The following IL1RL2 variants were observed in gnomAD, a reference collection of about 807,000 sequenced individuals.
IL1RL2 encodes interleukin-1 receptor-like 2.
In IL1RL2, 68 loss-of-function variants were observed where a neutral mutation model predicts 66.8. The ratio of observed to expected loss-of-function variants is 1.02; its 90% CI spans 0.84 to 1.25. The LOEUF (loss-of-function observed/expected upper bound fraction) is 1.25, where lower values mean the gene tolerates loss of function less well. IL1RL2 is among the 50% of genes most tolerant of loss of function. The pLI is 0.00. For missense variants in IL1RL2, 729 were observed against 709.3 expected (o/e 1.03, Z -0.32); for synonymous variants, 305 against 264.6 (o/e 1.15, Z -1.48).
chr2:102,202,149 T>A (rs1688314901), intron 5 of IL1RL2, among the ~76,000 whole-genome samples: 1 of 152,072 alleles, frequency 6.6e-6, no homozygotes, highest in African/African-American at 2.4e-5. Context: ...GTTCTGGATA[T>A]GGTCCTGGGA....
chr2:102,235,575 G>A, intron 11 of IL1RL2: 1 of 985,436 alleles, frequency 1.0e-6, no homozygotes, highest in Non-Finnish European at 1.2e-6. Flanking sequence ...TTGAGAACAG[G>A]ACATGGAGGG....
Position 102,225,945 on chromosome 2 carries a change from G to A in IL1RL2, c.1039G>A (p.Ala347Thr). The A allele has an allele frequency of 6.2e-7, 1 of 1,608,270 alleles. No homozygotes were observed. The highest frequency in any genetic ancestry group is 8.5e-7 in the Non-Finnish European group (1 of 1,176,992). Residue 347 changes from alanine to threonine, a missense_variant, in exon 9 of 12, where the codon GCT becomes ACT. By Grantham distance (58) the Ala-to-Thr change is moderately conservative (BLOSUM62 0). Transcript: ENST00000264257. Reference sequence around the variant, plus strand: ...GATAGGAGGGCTTATCGCCTTGGTGGCTGTGGCTGTGTCTGTTGTGTACAT... The same window carrying A: ...GATAGGAGGGCTTATCGCCTTGGTGACTGTGGCTGTGTCTGTTGTGTACAT... ...YLIGGLIALVAVAVSVVYIYN... is the reference protein window; with the variant it reads ...YLIGGLIALVTVAVSVVYIYN...
chr2:102,204,554 T>C (rs904191619), intron 5 of IL1RL2, among the ~76,000 whole-genome samples: 5 of 152,090 alleles, frequency 3.3e-5, no homozygotes, highest in Admixed American at 3.3e-4. Context: ...TTTTTATATC[T>C]GAGTGCTTCA....
chr2:102,242,159 T>G (rs779282444), downstream of IL1RL2, among the ~76,000 whole-genome samples: 2 of 152,182 alleles, frequency 1.3e-5, no homozygotes, highest in Non-Finnish European at 2.9e-5. Context: ...AGGATGGAGA[T>G]TTTTGTTTTG....
chr2:102,188,456 C>T (rs756996349), intron 2 of IL1RL2, among the ~76,000 whole-genome samples: 9 of 151,674 alleles, frequency 5.9e-5, no homozygotes, highest in Non-Finnish European at 1.3e-4. Flanking sequence ...GGCGCGGTGG[C>T]GGGCGCCTGT....
At chr2:102,207,427 T>C (rs1688797031) in intron 5 of IL1RL2, among the ~76,000 whole-genome samples, 1 of 152,136 alleles carries the variant, frequency 6.6e-6, no homozygotes, top group Non-Finnish European at 1.5e-5. Flanking sequence ...TGATTATTCA[T>C]GGCACAAGGA....
At chr2:102,233,309 G>T (rs972777572) in intron 10 of IL1RL2, among the ~76,000 whole-genome samples, 185 bp downstream of exon 10, 1 of 152,018 alleles carries the variant, frequency 6.6e-6, no homozygotes, top group Non-Finnish European at 1.5e-5. Flanking sequence ...CAAGCTCTTT[G>T]CCTGCTCTAG....
At chr2:102,218,826 G>C (rs34304137) in intron 6 of IL1RL2, 127 bp from the exon 7 acceptor site, 13,497 of 774,632 alleles carry the variant, frequency 0.017, 432 homozygotes, top group African/African-American at 0.11. Context: ...ATTTGCCTAG[G>C]GGGCTATTTC....
chr2:102,235,960 A>G, intron 11 of IL1RL2: 1 of 985,144 alleles, frequency 1.0e-6, no homozygotes, highest in African/African-American at 1.7e-5. Context: ...TAAAGCAAGC[A>G]GGAATTCCTT....
At chr2:102,189,496 C>G (rs35433374) in intron 3 of IL1RL2, among the ~76,000 whole-genome samples, 186 bp downstream of exon 3, 1 of 152,230 alleles carries the variant, frequency 6.6e-6, no homozygotes, top group South Asian at 2.1e-4. Flanking sequence ...ATTTTTGGAA[C>G]CTGATATGCA....
chr2:102,232,113 C>CCT (rs1553649810), intron 9 of IL1RL2, among the ~76,000 whole-genome samples: 1 of 144,310 alleles, frequency 6.9e-6, no homozygotes, highest in Non-Finnish European at 1.5e-5. Context: ...TCCTTGAACT[C>CCT]TTTTTTTTTT....
At chr2:102,236,980 T>A (rs1674940520) in intron 11 of IL1RL2, among the ~76,000 whole-genome samples, 1 of 152,150 alleles carries the variant, frequency 6.6e-6, no homozygotes, top group Non-Finnish European at 1.5e-5. Flanking sequence ...TTCCAGAAAA[T>A]ACCTTTTCGT....
At chr2:102,241,908 T>G (rs1345869312), downstream of IL1RL2, among the ~76,000 whole-genome samples, 1 of 152,264 alleles carries the variant, frequency 6.6e-6, no homozygotes, top group Non-Finnish European at 1.5e-5. Flanking sequence ...GGTGACATAC[T>G]GAAACATTTG....
rs568586633 is a variant in IL1RL2 at position 102,215,672 on chromosome 2, C to T, written c.725-3281C>T. 3.3e-5 allele frequency among the ~76,000 whole-genome samples: 5 copies of T among 152,292 alleles called. No homozygotes were observed. In the South Asian group the frequency reaches 1.0e-3, roughly 32 times the overall value. ...CACACACCCTTGGCCTGAGAACCAA[C>T]ATGGTAGCCCAGCACCCTGCAAAGC... On this transcript the variant is annotated intron_variant, in intron 6 of 11. Transcript: ENST00000264257.
chr2:102,242,603 G>T (rs149677983), downstream of IL1RL2, among the ~76,000 whole-genome samples: 1 of 152,264 alleles, frequency 6.6e-6, no homozygotes, highest in Non-Finnish European at 1.5e-5. Context: ...GGGTGGAGAA[G>T]AATTCCTCCT....
Position 102,235,017 on chromosome 2 carries a change from A to G in IL1RL2, c.1418A>G (p.Tyr473Cys). 6.2e-7 allele frequency: 1 copy of G among 1,614,188 alleles called. No homozygotes were observed. Among genetic ancestry groups the G allele is most frequent in the Non-Finnish European group, 8.5e-7 (1 of 1,180,040 alleles). ...CTGTCAGAAGAACAAATCGCGGTCT[A>G]CAGTGCCCTGATCCAGGACGGGATG... ...KNLSEEQIAV[Y>C]SALIQDGMKV... Residue 473 changes from tyrosine to cysteine, a missense_variant, in exon 11 of 12, where the codon TAC becomes TGC. Tyr to Cys is a radical substitution (Grantham distance 194, BLOSUM62 -2). Coordinates refer to ENST00000264257, the MANE Select transcript of IL1RL2 (RefSeq NM_003854.4).
rs752763057 is a variant in IL1RL2, at chr2:102,233,055, C to A, written c.1228C>A (p.Pro410Thr). 1 of 1,614,120 alleles carries A rather than the reference C, an allele frequency of 6.2e-7. No homozygotes were observed. The highest frequency in any genetic ancestry group is 8.5e-7 in the Non-Finnish European group (1 of 1,179,998). The part of the protein sequence containing the change: ...AVDALVLNIL[P>T]EVLERQCGYK... ...GGATGCCCTGGTGTTGAATATCCTGCCCGAGGTGTTGGAGAGACAATGTGG... is the reference window on the plus strand; with the variant it reads ...GGATGCCCTGGTGTTGAATATCCTGACCGAGGTGTTGGAGAGACAATGTGG... The change falls in exon 10 of 12, where the codon CCC (proline) becomes ACC (threonine). Residue 410 changes from proline to threonine, a missense_variant. Physicochemically the swap from Pro to Thr is conservative, Grantham distance 38. Transcript: ENST00000264257.
intron 11 of IL1RL2, among the ~76,000 whole-genome samples, chr2:102,238,777 A>C (rs1675085843): frequency 6.6e-6 from 1 of 152,126 alleles, no homozygotes; most frequent in African/African-American, 2.4e-5. Context: ...CATCTCCAGT[A>C]GTAATATTAT....
In IL1RL2 at chr2:102,201,674, G is replaced by A. The variant is rs1363361099; in HGVS notation, c.608G>A (p.Gly203Glu). The A allele has an allele frequency of 5.0e-6, 8 of 1,613,938 alleles. No homozygotes were observed. In the Admixed American group the frequency reaches 1.3e-4, roughly 27 times the overall value. The change falls in exon 5 of 12, where the codon GGG becomes GAG. Residue 203 changes from glycine (G) to glutamate (E), a missense_variant. Transcript: ENST00000264257. ...YACQAILTHS[G>E]KQYEVLNGIT... ...TGTCAAGCCATACTGACACACTCAG[G>A]GAAGCAGTACGAGGTTTTAAATGGC...
Sources: allele counts gnomAD v4.1 joint callset (sites outside exome capture counted in the v4.1 genomes callset), GRCh38; gene constraint gnomAD v4.1.1; transcripts MANE v1.5; gene names NCBI Gene and HGNC (gene_info 2026-07-23, HGNC 2026-07-21).